ARHGAP20: variants seen among roughly 807,000 people sequenced by gnomAD.
The protein encoded by ARHGAP20 is Rho GTPase activating protein 20.
Under a neutral mutation model 73.7 loss-of-function variants are expected in ARHGAP20, and 34 were observed. The observed-to-expected ratio is 0.46, with a 90% CI of 0.35 to 0.61. The LOEUF is 0.61. ARHGAP20 is among the 20% of genes least tolerant of loss of function. The pLI is 0.00. For missense variants in ARHGAP20, 1,314 were observed against 1,420.9 expected (o/e 0.92, Z 1.21); for synonymous variants, 523 against 518.2 (o/e 1.01, Z -0.13).
chr11:110,582,010 T>A (rs754679208), intron 14 of ARHGAP20, among the ~76,000 whole-genome samples: 2 of 151,838 alleles, frequency 1.3e-5, no homozygotes, highest in African/African-American at 4.8e-5. Context: ...AGTTCTATTA[T>A]ATATATTAGG....
At chr11:110,606,022 A>G (rs930015622) in intron 9 of ARHGAP20, among the ~76,000 whole-genome samples, 10 of 152,182 alleles carry the variant, frequency 6.6e-5, no homozygotes, top group African/African-American at 2.4e-4. Flanking sequence ...GATCACTTTT[A>G]TCATTCCAGA....
Position 110,577,191 on chromosome 11 carries a change from G to A in ARHGAP20, c.*2179C>T. 1.3e-6 allele frequency: 2 copies of A among 1,526,708 alleles called. No homozygotes were observed. Among genetic ancestry groups the A allele is most frequent in the Non-Finnish European group, 1.8e-6 (2 of 1,141,790 alleles). 94.6% of individuals were successfully genotyped at this position (1,526,708 alleles called of 1,614,324 possible). ...AATACACATTTATTACATAACATAT[G>A]GTAGTAAAATTTGTCAAGATATATT... On this transcript the variant is annotated 3_prime_UTR_variant, in exon 15 of 15. Transcript: ENST00000683387.
At chr11:110,689,366 C>T (rs1309569018) in intron 2 of ARHGAP20, among the ~76,000 whole-genome samples, 1 of 151,830 alleles carries the variant, frequency 6.6e-6, no homozygotes, top group Non-Finnish European at 1.5e-5. Flanking sequence ...TAAAAGGATT[C>T]ACAACTTAAA....
chr11:110,597,516 TCTCA>T (rs1947999953), intron 9 of ARHGAP20, among the ~76,000 whole-genome samples: 1 of 152,134 alleles, frequency 6.6e-6, no homozygotes, highest in Admixed American at 6.6e-5. Flanking sequence ...AGAGATGAGG[TCTCA>T]CTATGTTTGC....
intron 6 of ARHGAP20, among the ~76,000 whole-genome samples, chr11:110,613,979 G>A (rs745690871): frequency 2.0e-5 from 3 of 151,834 alleles, no homozygotes; most frequent in Non-Finnish European, 4.4e-5. Flanking sequence ...ATAATAGCTG[G>A]GGTTAAAGAC....
intron 2 of ARHGAP20, among the ~76,000 whole-genome samples, chr11:110,638,967 T>A (rs1949024975): frequency 6.6e-6 from 1 of 152,012 alleles, no homozygotes; most frequent in Admixed American, 6.6e-5. Flanking sequence ...AACCTGCACG[T>A]TGTGCACATG....
At chr11:110,693,056 G>C (rs949551645) in intron 1 of ARHGAP20, among the ~76,000 whole-genome samples, 1 of 151,960 alleles carries the variant, frequency 6.6e-6, no homozygotes, top group Non-Finnish European at 1.5e-5. Context: ...TCAAAGAAGG[G>C]TGACAAATTT....
chr11:110,652,885 C>G (rs567327533), intron 2 of ARHGAP20, among the ~76,000 whole-genome samples: 2 of 151,916 alleles, frequency 1.3e-5, no homozygotes, highest in Non-Finnish European at 2.9e-5. Flanking sequence ...TAGATCAATG[C>G]GACAGAACAG....
chr11:110,669,370 C>G (rs1307838541), intron 2 of ARHGAP20, among the ~76,000 whole-genome samples: 1 of 151,902 alleles, frequency 6.6e-6, no homozygotes, highest in African/African-American at 2.4e-5. Flanking sequence ...TTTATATATT[C>G]AATTTTAGTT....
intron 12 of ARHGAP20, among the ~76,000 whole-genome samples, chr11:110,585,474 T>C (rs573346190): frequency 5.9e-5 from 9 of 152,106 alleles, no homozygotes; most frequent in African/African-American, 1.2e-4. Flanking sequence ...ATAATTCATA[T>C]ATGAAAGTTG....
At chr11:110,630,870 T>G in intron 2 of ARHGAP20, 78 bp from the exon 3 acceptor site, 1 of 1,468,110 alleles carries the variant, frequency 6.8e-7, no homozygotes, top group Non-Finnish European at 9.3e-7. Flanking sequence ...TCTGTAATTT[T>G]TTTTAATACA....
chr11:110,611,021 T>A (rs994658386), intron 7 of ARHGAP20, among the ~76,000 whole-genome samples: 1 of 152,152 alleles, frequency 6.6e-6, no homozygotes, highest in East Asian at 1.9e-4. Flanking sequence ...ACCAAAAAAA[T>A]TTTTGTATAT....
intron 13 of ARHGAP20, among the ~76,000 whole-genome samples, chr11:110,582,775 T>C (rs1203703052): frequency 6.6e-6 from 1 of 152,220 alleles, no homozygotes; most frequent in Non-Finnish European, 1.5e-5. Context: ...CTATTTCTTG[T>C]GTAAAGGGCA....
intron 9 of ARHGAP20, among the ~76,000 whole-genome samples, chr11:110,603,325 C>T (rs1948151132): frequency 6.6e-6 from 1 of 152,148 alleles, no homozygotes; most frequent in Admixed American, 6.5e-5. Flanking sequence ...AGCCTTTAAC[C>T]TCTATTAATG....
At chr11:110,664,324 T>A in intron 2 of ARHGAP20, among the ~76,000 whole-genome samples, 1 of 151,706 alleles carries the variant, frequency 6.6e-6, no homozygotes, top group African/African-American at 2.4e-5. Context: ...AACAAGTGAG[T>A]TTAGGAAGGT....
chr11:110,620,244 G>A (rs1172859150), intron 4 of ARHGAP20, among the ~76,000 whole-genome samples: 3 of 152,034 alleles, frequency 2.0e-5, no homozygotes, highest in African/African-American at 7.2e-5. Context: ...CCAGGTCTAT[G>A]GCCTCAAGCA....
At position 110,614,635 on chromosome 11, in the gene ARHGAP20, G is replaced by A; in HGVS notation, c.556C>T (p.Leu186=). 1 of 1,610,946 alleles carries A rather than the reference G, an allele frequency of 6.2e-7. No individual in the cohort carries two copies. Among genetic ancestry groups the A allele is most frequent in the East Asian group, 2.2e-5 (1 of 44,790 alleles). ...TTCGGGTAGTCCTTTTCTTTCTCTAGATTGATGTATCTAATCAAATGCAAC... is the reference window on the plus strand; with the variant it reads ...TTCGGGTAGTCCTTTTCTTTCTCTAAATTGATGTATCTAATCAAATGCAAC... ...WLSLLQRYIN[L]EKEKDYPKSI... Residue 186 remains leucine, a synonymous_variant, in exon 6 of 15, where the codon CTA becomes TTA. Transcript: ENST00000683387.
intron 2 of ARHGAP20, among the ~76,000 whole-genome samples, chr11:110,634,754 A>G (rs983728396): frequency 1.3e-5 from 2 of 152,152 alleles, no homozygotes; most frequent in Admixed American, 1.3e-4. Flanking sequence ...AAAAGGTGGA[A>G]TTAAGATTAC....
At chr11:110,690,734 G>T (rs755873741) in intron 1 of ARHGAP20, 105 bp from the exon 2 acceptor site, 1 of 1,096,924 alleles carries the variant, frequency 9.1e-7, no homozygotes, top group Non-Finnish European at 1.4e-6. Flanking sequence ...GCCTATCTTT[G>T]TCTGTCAAGG....
Sources: allele counts gnomAD v4.1 joint callset (sites outside exome capture counted in the v4.1 genomes callset), GRCh38; gene constraint gnomAD v4.1.1; transcripts MANE v1.5; gene names NCBI Gene and HGNC (gene_info 2026-07-23, HGNC 2026-07-21).